Variants in TACC2 observed in about 807,000 individuals in gnomAD.
TACC2 encodes the protein transforming acidic coiled-coil-containing protein 2.
In TACC2, 137 loss-of-function variants were observed where a neutral mutation model predicts 227.3. That is an observed-to-expected ratio of 0.60 (90% CI 0.52 to 0.69). The LOEUF (loss-of-function observed/expected upper bound fraction) is 0.69. Ranked by LOEUF, TACC2 falls within the 30% of genes least tolerant of loss-of-function variation. The pLI is 0.00. For synonymous variants in TACC2, 1,523 were observed against 1,487.5 expected (o/e 1.02, Z -0.55); for missense variants, 3,470 against 3,694.4 (o/e 0.94, Z 1.57).
intron 8 of TACC2, among the ~76,000 whole-genome samples, chr10:122,208,689 G>A (rs139367499): frequency 1.3e-5 from 2 of 152,306 alleles, no homozygotes; most frequent in East Asian, 3.9e-4. Flanking sequence ...ATTCAAATCA[G>A]CTGAACATCC....
chr10:122,075,472 G>C (rs1280347848), intron 3 of TACC2, among the ~76,000 whole-genome samples: 1 of 152,154 alleles, frequency 6.6e-6, no homozygotes, highest in Non-Finnish European at 1.5e-5. Context: ...ACTCACGGGG[G>C]CTGGCTCTCC....
At chr10:122,066,488 C>T (rs748973396) in intron 3 of TACC2, among the ~76,000 whole-genome samples, 8 of 152,102 alleles carry the variant, frequency 5.3e-5, no homozygotes, top group Non-Finnish European at 8.8e-5. Context: ...AGGGTGGTCT[C>T]GAACCCCTAA....
At chr10:122,115,199 C>T (rs953966954) in intron 5 of TACC2, among the ~76,000 whole-genome samples, 28 of 151,032 alleles carry the variant, frequency 1.9e-4, no homozygotes, top group Admixed American at 9.2e-4. Context: ...ACAAGAGTAA[C>T]ACAGAGCCTG....
At chr10:122,142,517 G>C (rs2090756920) in intron 6 of TACC2, among the ~76,000 whole-genome samples, 2 of 152,250 alleles carry the variant, frequency 1.3e-5, no homozygotes, top group Admixed American at 1.3e-4. Flanking sequence ...TCAGACCAGG[G>C]TGCTAGCCTG....
chr10:122,134,702 GC>G (rs2089199214), intron 6 of TACC2, among the ~76,000 whole-genome samples: 2 of 152,178 alleles, frequency 1.3e-5, no homozygotes, highest in South Asian at 4.1e-4. Context: ...AGCCAATGGG[GC>G]ACGCCCTCCC....
At chr10:122,132,520 G>T (rs1254192730) in intron 5 of TACC2, 89 bp from the exon 6 acceptor site, 1 of 1,527,544 alleles carries the variant, frequency 6.5e-7, no homozygotes, top group Non-Finnish European at 9.0e-7. Flanking sequence ...TTGCCCTCCA[G>T]CCTGGATAAG....
chr10:122,115,589 C>G (rs1418073618), intron 5 of TACC2, among the ~76,000 whole-genome samples: 2 of 152,186 alleles, frequency 1.3e-5, no homozygotes, highest in African/African-American at 4.8e-5. Context: ...ATAGAGGATG[C>G]TGCCAGGCTT....
At position 122,143,614 on chromosome 10, in the gene TACC2, T is replaced by C. The variant is rs752923046; in HGVS notation, c.5742T>C (p.Ala1914=). The C allele has an allele frequency of 6.2e-7, 1 of 1,614,110 alleles. No individual in the cohort carries two copies. The highest frequency in any genetic ancestry group is 1.1e-5 in the South Asian group (1 of 91,078). Residue 1914 remains alanine (A), a synonymous_variant, in exon 7 of 23, where the codon GCT becomes GCC. Transcript: ENST00000369005. ...CCCATGCGGGTCTTCCTCCCTCGGC[T>C]GCAGAACACATAGTTTCGCCATCTG... ...AAAHAGLPPS[A]AEHIVSPSAP...
chr10:122,009,736 G>C (rs1451932787), intron 1 of TACC2, among the ~76,000 whole-genome samples: 4 of 152,002 alleles, frequency 2.6e-5, no homozygotes, highest in Admixed American at 2.6e-4. Flanking sequence ...GACCATCCTG[G>C]CCAACTTGAT....
chr10:122,249,762 C>A, intron 22 of TACC2, 98 bp downstream of exon 22: 2 of 1,412,978 alleles, frequency 1.4e-6, no homozygotes, highest in South Asian at 1.4e-5. Flanking sequence ...CTGGCCACTG[C>A]TGCTCCTGAA....
intron 8 of TACC2, among the ~76,000 whole-genome samples, chr10:122,199,313 G>C (rs2094697492): frequency 6.6e-6 from 1 of 152,256 alleles, no homozygotes. Context: ...GTGGACAGCT[G>C]TCCTCACATT....
At chr10:122,213,460 A>C in intron 9 of TACC2, 1 of 1,411,822 alleles carries the variant, frequency 7.1e-7, no homozygotes, top group Non-Finnish European at 1.0e-6. Flanking sequence ...AGCCATTTTT[A>C]TTTCCCCTCT....
intron 1 of TACC2, among the ~76,000 whole-genome samples, chr10:122,021,348 A>G (rs529670579): frequency 1.2e-4 from 18 of 152,308 alleles, no homozygotes; most frequent in Non-Finnish European, 2.4e-4. Flanking sequence ...TCTGGTCCCA[A>G]TCTCCCATTT....
chr10:122,224,683 A>G (rs1029619842), intron 11 of TACC2, 43 bp from the exon 12 acceptor site: 1 of 1,589,162 alleles, frequency 6.3e-7, no homozygotes, highest in Non-Finnish European at 8.6e-7. Flanking sequence ...CACTAACCTC[A>G]CCTTTTGTTT....
chr10:122,086,696 T>C lies in TACC2; in HGVS notation c.4196T>C (p.Ile1399Thr). 1.2e-6 allele frequency: 2 copies of C among 1,613,710 alleles called. No homozygotes were observed. The highest frequency in any genetic ancestry group is 2.2e-5 in the South Asian group (2 of 91,048). Residue 1399 changes from isoleucine (I) to threonine (T), a missense_variant, in exon 4 of 23, where the codon ATC (isoleucine) becomes ACC (threonine). Physicochemically the swap from Ile to Thr is moderately conservative, Grantham distance 89 (BLOSUM62 -1). Coordinates refer to ENST00000369005, the MANE Select transcript of TACC2 (RefSeq NM_206862.4). The part of the protein sequence containing the change: ...SGGVDTSSEQ[I>T]ATLTGFPDFR... The stretch of plus-strand genomic sequence containing the variant: ...GGTGTGGACACAAGCTCTGAGCAAA[T>C]CGCCACCCTCACTGGCTTCCCAGAC...
intron 6 of TACC2, among the ~76,000 whole-genome samples, chr10:122,142,371 A>T (rs1351065241): frequency 6.6e-6 from 1 of 152,154 alleles, no homozygotes; most frequent in African/African-American, 2.4e-5. Flanking sequence ...GTCCTCGTGG[A>T]GCTCTGAGGC....
chr10:122,016,294 C>T (rs538639735), intron 1 of TACC2, among the ~76,000 whole-genome samples: 37 of 146,170 alleles, frequency 2.5e-4, no homozygotes, highest in African/African-American at 8.4e-4. Context: ...AAAAGCCAGG[C>T]GCGGTGGCTC....
At position 122,083,814 on chromosome 10, in the gene TACC2, A is replaced by G; in HGVS notation, c.1314A>G (p.Gly438=). The change falls in exon 4 of 23, where the codon GGA becomes GGG. Residue 438 remains glycine, a synonymous_variant. Transcript: ENST00000369005. The stretch of plus-strand genomic sequence containing the variant: ...TTCCTATTGCTGTAGAAGAACCTGG[A>G]TCATCATCCAGGGAATCAGTTTCCA... ...AQIPIAVEEP[G]SSSRESVSKA... is the part of the protein sequence containing the mutation. 5 of 1,614,182 alleles carry G rather than the reference A, an allele frequency of 3.1e-6. No individual in the cohort carries two copies. The highest frequency in any genetic ancestry group is 4.2e-6 in the Non-Finnish European group (5 of 1,180,036).
rs138491644 is a variant in TACC2 at position 122,184,076 on chromosome 10, T to A, written c.5835-10964T>A. Among the ~76,000 whole-genome samples, 205 of 152,294 alleles carry A rather than the reference T, an allele frequency of 1.3e-3. 1 individual carries two copies. Among genetic ancestry groups the A allele is most frequent in the African/African-American group, 4.7e-3 (194 of 41,564 alleles). On this transcript the variant is annotated intron_variant, in intron 7 of 22. Transcript: ENST00000369005. The stretch of plus-strand genomic sequence containing the variant: ...GAGGAAGCTCTGAGGGACGGTAACA[T>A]GTCAGCTGAGGTGAGCGGCCGTGGG...
Sources: allele counts gnomAD v4.1 joint callset (sites outside exome capture counted in the v4.1 genomes callset), GRCh38; gene constraint gnomAD v4.1.1; transcripts MANE v1.5; gene names NCBI Gene and HGNC (gene_info 2026-07-23, HGNC 2026-07-21).